The following TMEM132D variants were observed in gnomAD, a reference collection of about 807,000 sequenced individuals.
The protein encoded by TMEM132D is mature OL transmembrane protein.
A neutral mutation model predicts 62.3 loss-of-function variants in TMEM132D; 21 were observed. That is an observed-to-expected ratio of 0.34 (90% CI 0.24 to 0.49). TMEM132D has a LOEUF of 0.49. TMEM132D is among the 20% of genes least tolerant of loss of function. TMEM132D has a pLI of 0.99. For synonymous variants in TMEM132D, 621 were observed against 575.6 expected, an observed-to-expected ratio of 1.08 and a Z score of -1.13; for missense variants, 1,346 against 1,402.8, an observed-to-expected ratio of 0.96 and a Z score of 0.65.
At chr12:129,577,478 C>T (rs190004875) in intron 2 of TMEM132D, among the ~76,000 whole-genome samples, 21 of 150,360 alleles carry the variant, frequency 1.4e-4, no homozygotes, top group African/African-American at 4.7e-4. Context: ...TGCATCTTTA[C>T]ATTTGTTTAC....
intron 5 of TMEM132D, among the ~76,000 whole-genome samples, chr12:129,099,710 C>T (rs1002740043): frequency 2.0e-5 from 3 of 152,266 alleles, no homozygotes; most frequent in Admixed American, 6.5e-5. Context: ...TCAAGAACAC[C>T]TTCTTCCATG....
chr12:129,156,935 A>G (rs1423282256), intron 5 of TMEM132D, among the ~76,000 whole-genome samples: 2 of 151,832 alleles, frequency 1.3e-5, no homozygotes, highest in African/African-American at 4.8e-5. Flanking sequence ...TAACTAACCC[A>G]CTCCTGTGAT....
chr12:129,899,335 G>GGAT (rs1434503308), intron 1 of TMEM132D, among the ~76,000 whole-genome samples: 2 of 132,642 alleles, frequency 1.5e-5, no homozygotes, highest in African/African-American at 6.6e-5. Flanking sequence ...ATGGATGGAT[G>GGAT]GATGGATGAT....
chr12:129,340,538 A>G (rs564166262), intron 3 of TMEM132D, among the ~76,000 whole-genome samples: 16 of 145,656 alleles, frequency 1.1e-4, no homozygotes, highest in Admixed American at 1.4e-4. Flanking sequence ...ATTCCCACCT[A>G]TGAGTGAGAA....
intron 8 of TMEM132D, among the ~76,000 whole-genome samples, chr12:129,076,508 T>G (rs1365464112): frequency 6.6e-6 from 1 of 152,256 alleles, no homozygotes; most frequent in East Asian, 1.9e-4. Context: ...TCCTCAAATG[T>G]GGCTGGTGGC....
At chr12:129,504,011 T>C (rs990473877) in intron 3 of TMEM132D, among the ~76,000 whole-genome samples, 1 of 147,942 alleles carries the variant, frequency 6.8e-6, no homozygotes, top group African/African-American at 2.6e-5. Context: ...ATCATTACTG[T>C]CATCATCATC....
intron 3 of TMEM132D, among the ~76,000 whole-genome samples, chr12:129,434,927 G>A (rs1872749619): frequency 6.6e-6 from 1 of 152,040 alleles, no homozygotes; most frequent in South Asian, 2.1e-4. Context: ...CCATCTTACT[G>A]TAACTTTGTA....
intron 3 of TMEM132D, among the ~76,000 whole-genome samples, chr12:129,358,312 G>T (rs1870138994): frequency 2.0e-5 from 3 of 152,024 alleles, no homozygotes; most frequent in Non-Finnish European, 4.4e-5. Flanking sequence ...AACCCTTGTT[G>T]TTTGTTGGTT....
At chr12:129,747,086 G>T (rs1057387916) in intron 1 of TMEM132D, among the ~76,000 whole-genome samples, 1 of 145,510 alleles carries the variant, frequency 6.9e-6, no homozygotes, top group African/African-American at 2.5e-5. Flanking sequence ...GGAGCCCAGG[G>T]CGCTCCAGTT....
intron 5 of TMEM132D, among the ~76,000 whole-genome samples, chr12:129,179,423 C>A (rs1878005066): frequency 6.6e-6 from 1 of 151,950 alleles, no homozygotes; most frequent in African/African-American, 2.4e-5. Flanking sequence ...AGCCAAGAGA[C>A]AGGGGATCCC....
At chr12:129,846,675 C>A (rs911547631) in intron 1 of TMEM132D, among the ~76,000 whole-genome samples, 8 of 152,158 alleles carry the variant, frequency 5.3e-5, no homozygotes, top group African/African-American at 1.9e-4. Context: ...TCTCTTTCAT[C>A]TTTGCTCTTG....
intron 3 of TMEM132D, among the ~76,000 whole-genome samples, chr12:129,363,506 C>T (rs1340309118): frequency 1.3e-5 from 2 of 152,132 alleles, no homozygotes; most frequent in Admixed American, 1.3e-4. Flanking sequence ...TTTCTCAACT[C>T]CCATCTGATA....
In TMEM132D at chr12:129,844,723, T is replaced by C. The variant is rs188459814; in HGVS notation, c.79+58538A>G. Among the ~76,000 whole-genome samples, 28 of 152,306 alleles carry C rather than the reference T, an allele frequency of 1.8e-4. No individual in the cohort carries two copies. In the East Asian group the frequency reaches 5.2e-3, roughly 28 times the overall value. On this transcript the variant is annotated intron_variant, in intron 1 of 8. Coordinates refer to ENST00000422113, the MANE Select transcript of TMEM132D (RefSeq NM_133448.3). ...AATGCTTTCAGTTCCAACAGAATCA[T>C]AACCTCTCCCTTATATGGTCCCAGA...
chr12:129,264,086 A>T (rs887353771), intron 4 of TMEM132D, among the ~76,000 whole-genome samples: 1 of 152,150 alleles, frequency 6.6e-6, no homozygotes, highest in African/African-American at 2.4e-5. Flanking sequence ...TCAGGTGGAC[A>T]TCATCCTTAA....
At chr12:129,478,827 G>C (rs1874346647) in intron 3 of TMEM132D, among the ~76,000 whole-genome samples, 1 of 152,134 alleles carries the variant, frequency 6.6e-6, no homozygotes, top group African/African-American at 2.4e-5. Flanking sequence ...CCTTGAAAGG[G>C]ACTGAAGCTA....
intron 1 of TMEM132D, among the ~76,000 whole-genome samples, chr12:129,797,373 G>A (rs941174228): frequency 2.0e-5 from 3 of 152,128 alleles, no homozygotes; most frequent in South Asian, 2.1e-4. Flanking sequence ...AGTTGCAAAC[G>A]ATACAACATA....
chr12:129,822,487 T>C (rs140785767), intron 1 of TMEM132D, among the ~76,000 whole-genome samples: 13 of 152,304 alleles, frequency 8.5e-5, no homozygotes, highest in African/African-American at 3.1e-4. Context: ...CACTGAGCTC[T>C]GACAACACCT....
intron 1 of TMEM132D, among the ~76,000 whole-genome samples, chr12:129,772,361 C>T (rs779182186): frequency 7.2e-5 from 11 of 152,108 alleles, no homozygotes; most frequent in Non-Finnish European, 1.0e-4. Flanking sequence ...TTTAATGATG[C>T]GGACTTCATA....
At chr12:129,837,151 C>T (rs1044035914) in intron 1 of TMEM132D, among the ~76,000 whole-genome samples, 1 of 152,156 alleles carries the variant, frequency 6.6e-6, no homozygotes, top group Non-Finnish European at 1.5e-5. Context: ...CAGGCAGTAA[C>T]ATATGTGTTA....
Sources: gnomAD v4.1 joint callset for allele counts (sites outside exome capture counted in the v4.1 genomes callset) on GRCh38, gnomAD v4.1.1 for gene constraint, MANE v1.5 for transcripts, NCBI Gene and HGNC (gene_info 2026-07-23, HGNC 2026-07-21) for gene names.